Variants in GALNTL6 observed in about 807,000 individuals in gnomAD.
GALNTL6 encodes the protein polypeptide N-acetylgalactosaminyltransferase like 6.
GALNTL6 carries 46 observed loss-of-function variants against 73.7 expected under a neutral mutation model. The ratio of observed to expected loss-of-function variants is 0.62; its 90% CI spans 0.49 to 0.80. The LOEUF is 0.80. Among genes scored for constraint, GALNTL6 ranks in the 30% least tolerant of loss-of-function variants. The pLI is 0.00. For missense variants in GALNTL6, 604 were observed against 755.0 expected, an observed-to-expected ratio of 0.80 and a Z score of 2.34; for synonymous variants, 259 against 263.7, an observed-to-expected ratio of 0.98 and a Z score of 0.17.
chr4:172,508,785 A>T, intron 5 of GALNTL6, among the ~76,000 whole-genome samples: 1 of 47,556 alleles, frequency 2.1e-5, no homozygotes, highest in Middle Eastern at 0.011. Context: ...TATATACCAC[A>T]TTTTTTTTTA....
chr4:172,488,584 A>G (rs1733780191), intron 5 of GALNTL6, among the ~76,000 whole-genome samples: 1 of 152,196 alleles, frequency 6.6e-6, no homozygotes, highest in African/African-American at 2.4e-5. Flanking sequence ...GTGACCCAAG[A>G]AACTAGGAAG....
At chr4:172,862,717 A>AAAG (rs1744458657) in intron 7 of GALNTL6, among the ~76,000 whole-genome samples, 1 of 88,018 alleles carries the variant, frequency 1.1e-5, no homozygotes, top group East Asian at 1.1e-3. Context: ...AGAAAAAGAG[A>AAAG]AAGAAAAAAC....
chr4:171,849,346 C>T (rs1735457505), intron 2 of GALNTL6, among the ~76,000 whole-genome samples: 1 of 152,096 alleles, frequency 6.6e-6, no homozygotes, highest in Admixed American at 6.6e-5. Context: ...TAAGTTTATG[C>T]CTCTTACTAT....
intron 2 of GALNTL6, among the ~76,000 whole-genome samples, chr4:172,050,748 A>T (rs1432438270): frequency 1.3e-5 from 2 of 152,144 alleles, no homozygotes; most frequent in African/African-American, 4.8e-5. Flanking sequence ...TCTCCAGGCT[A>T]GCTAGGTCCC....
intron 10 of GALNTL6, among the ~76,000 whole-genome samples, chr4:173,001,958 G>T (rs184808619): frequency 1.9e-4 from 29 of 152,278 alleles, no homozygotes; most frequent in African/African-American, 6.0e-4. Flanking sequence ...CACTTTCATG[G>T]TTCCTCAAAA....
chr4:171,946,974 G>A (rs1738720809), intron 2 of GALNTL6, among the ~76,000 whole-genome samples: 1 of 152,072 alleles, frequency 6.6e-6, no homozygotes. Context: ...TCTATTTAAA[G>A]ATTGCCCTGG....
chr4:172,491,572 G>C (rs1055968436), intron 5 of GALNTL6, among the ~76,000 whole-genome samples: 6 of 152,052 alleles, frequency 3.9e-5, no homozygotes, highest in Non-Finnish European at 7.4e-5. Flanking sequence ...CTACTCTCTT[G>C]AGTATGAAGT....
intron 5 of GALNTL6, among the ~76,000 whole-genome samples, chr4:172,351,183 CTATCTATCTAT>C (rs1561040521): frequency 1.4e-4 from 18 of 131,528 alleles, no homozygotes; most frequent in African/African-American, 5.6e-4. Context: ...AATAATCTGT[CTATCTATCTAT>C]CTATCTATCT....
At chr4:172,215,168 G>A (rs190766863) in intron 2 of GALNTL6, among the ~76,000 whole-genome samples, 17 of 151,984 alleles carry the variant, frequency 1.1e-4, no homozygotes, top group East Asian at 1.9e-4. Context: ...GGTGTGTTTC[G>A]TGGCTTATGA....
chr4:172,998,272 G>A (rs912672870), intron 10 of GALNTL6, among the ~76,000 whole-genome samples: 1 of 152,202 alleles, frequency 6.6e-6, no homozygotes, highest in African/African-American at 2.4e-5. Context: ...TGATGGCTAT[G>A]AGGCAAAGCC....
intron 5 of GALNTL6, among the ~76,000 whole-genome samples, chr4:172,519,389 T>C (rs1187591419): frequency 6.6e-6 from 1 of 151,356 alleles, no homozygotes; most frequent in African/African-American, 2.4e-5. Flanking sequence ...CCTTGCCTTA[T>C]CTAGTAGTTG....
At chr4:172,206,417 A>T (rs1349769818) in intron 2 of GALNTL6, among the ~76,000 whole-genome samples, 2 of 152,198 alleles carry the variant, frequency 1.3e-5, no homozygotes, top group Admixed American at 6.5e-5. Context: ...TTTTGTTATA[A>T]TGAATGTTCT....
chr4:172,299,242 T>A (rs928119680), intron 3 of GALNTL6, among the ~76,000 whole-genome samples: 1 of 152,192 alleles, frequency 6.6e-6, no homozygotes, highest in African/African-American at 2.4e-5. Flanking sequence ...ATTGCATCTA[T>A]TTGATTCTTC....
At chr4:171,880,309 C>G (rs1669696622) in intron 2 of GALNTL6, among the ~76,000 whole-genome samples, 1 of 152,180 alleles carries the variant, frequency 6.6e-6, no homozygotes, top group African/African-American at 2.4e-5. Context: ...AAGTAGGTCT[C>G]TAAGGAATGC....
chr4:171,995,374 G>C (rs1306967190), intron 2 of GALNTL6, among the ~76,000 whole-genome samples: 1 of 151,866 alleles, frequency 6.6e-6, no homozygotes, highest in East Asian at 1.9e-4. Flanking sequence ...AGCAAAAGAT[G>C]CAGCCTAATG....
chr4:172,559,899 AT>A (rs1357724871), intron 5 of GALNTL6, among the ~76,000 whole-genome samples: 3 of 152,212 alleles, frequency 2.0e-5, no homozygotes, highest in Admixed American at 2.0e-4. Flanking sequence ...ATACCAATTC[AT>A]TTCTTAGAAA....
At chr4:172,135,681 T>C (rs533163310) in intron 2 of GALNTL6, among the ~76,000 whole-genome samples, 67 of 152,264 alleles carry the variant, frequency 4.4e-4, no homozygotes, top group Non-Finnish European at 7.2e-4. Context: ...GTTACATACA[T>C]AAGATTTTTC....
chr4:172,676,645 T>C (rs981500895), intron 5 of GALNTL6, among the ~76,000 whole-genome samples: 1 of 152,210 alleles, frequency 6.6e-6, no homozygotes, highest in African/African-American at 2.4e-5. Context: ...CAACAGGCAC[T>C]ATTCTCCACA....
chr4:172,354,661 A>T (rs1742088851), intron 5 of GALNTL6, among the ~76,000 whole-genome samples: 2 of 152,128 alleles, frequency 1.3e-5, no homozygotes, highest in Admixed American at 6.6e-5. Flanking sequence ...ACTCATAAAA[A>T]GTCTTTGTGC....
Sources: gnomAD v4.1 joint callset for allele counts (sites outside exome capture counted in the v4.1 genomes callset) on GRCh38, gnomAD v4.1.1 for gene constraint, MANE v1.5 for transcripts, NCBI Gene and HGNC (gene_info 2026-07-23, HGNC 2026-07-21) for gene names.